MEST: variants seen among roughly 807,000 people sequenced by gnomAD.
MEST encodes the protein mesoderm specific transcript.
In MEST, 18 loss-of-function variants were observed where a neutral mutation model predicts 50.9. The ratio of observed to expected loss-of-function variants is 0.35; its 90% CI spans 0.24 to 0.52. The LOEUF (loss-of-function observed/expected upper bound fraction) is 0.52. Ranked by LOEUF, MEST falls within the 20% of genes least tolerant of loss-of-function variation. MEST has a pLI of 0.94. For synonymous variants in MEST, 130 were observed against 154.1 expected (o/e 0.84, Z 1.16); for missense variants, 282 against 425.3 (o/e 0.66, Z 2.96).
chr7:130,504,790 A>G lies in MEST; in HGVS notation c.891-149A>G, dbSNP rs566107153. 7.1e-5 allele frequency: 41 copies of G among 576,506 alleles called. No homozygotes were observed. In the Admixed American group the frequency reaches 8.6e-4, roughly 12 times the overall value. 35.7% of individuals were successfully genotyped at this position (576,506 alleles called of 1,614,324 possible). A position where few individuals can be genotyped will look rare whatever the true frequency, so the allele number is the denominator to read the frequency against. On this transcript the variant is annotated intron_variant, in intron 11 of 11. Transcript: ENST00000223215. ...GAATTGGCAAGTTTATCTGCCTAAG[A>G]TACAATTTCAGAGTAGAAGGTGAAT...
At chr7:130,487,093 T>C (rs1798647531), upstream of MEST, 1 of 143,604 alleles carries the variant, frequency 7.0e-6, no homozygotes, top group Admixed American at 7.0e-5. Context: ...GGGAAGGTAG[T>C]AACAGGAAAA....
At chr7:130,491,921 A>T (rs1472854322), upstream of MEST, 1 of 155,678 alleles carries the variant, frequency 6.4e-6, no homozygotes, top group Admixed American at 6.5e-5. This position sits in a 1 kb window ranked among gnomAD's most constrained non-coding sequence, Gnocchi z 6.8. Context: ...TAAAGGAGCC[A>T]CTGTTAGAGG....
rs1259974892 is a variant in MEST, at chr7:130,497,472, G to A, written c.261+237G>A. 3.4e-5 allele frequency: 10 copies of A among 296,518 alleles called. No homozygotes were observed. The highest frequency in any genetic ancestry group is 2.0e-4 in the Admixed American group (4 of 20,500). The allele number at this position is 296,518 out of a possible 1,614,324, so 18.4% of individuals were successfully genotyped here. Reference sequence around the variant, plus strand: ...CTTGGGAGGCTGAGGCAGGAGAATCGCTTGAACCCGGGAGGCAGAGGTTGC... The same window carrying A: ...CTTGGGAGGCTGAGGCAGGAGAATCACTTGAACCCGGGAGGCAGAGGTTGC... On this transcript the variant is annotated intron_variant, in intron 3 of 11. Transcript: ENST00000223215. The surrounding 1 kb of genome is among the most constrained non-coding windows in gnomAD (Gnocchi z 4.0).
At chr7:130,504,918 C>G (rs369691561) in intron 11 of MEST, 21 bp from the exon 12 acceptor site, 2 of 1,592,676 alleles carry the variant, frequency 1.3e-6, no homozygotes, top group South Asian at 1.1e-5. Flanking sequence ...AGTTCACCTG[C>G]GTGCTGTTCT....
intron 2 of MEST, chr7:130,495,809 T>C: frequency 4.2e-6 from 1 of 240,626 alleles, no homozygotes. Context: ...ACCTGTCAGG[T>C]AATATATAAA....
At position 130,500,719 on chromosome 7, in the gene MEST, G is replaced by C; in HGVS notation, c.648-70G>C. ...GCATGGCCCAGACTGCATGGCCTCT[G>C]AGGTTCCAGCCATATTGAACATTCT... On this transcript the variant is annotated intron_variant, in intron 8 of 11. Coordinates refer to ENST00000223215, the MANE Select transcript of MEST (RefSeq NM_002402.4). This position sits in a 1 kb window ranked among gnomAD's most constrained non-coding sequence, Gnocchi z 5.0. 3.6e-6 allele frequency: 5 copies of C among 1,373,922 alleles called. No individual in the cohort carries two copies. The highest frequency in any genetic ancestry group is 5.0e-6 in the Non-Finnish European group (5 of 990,888). 85.1% of individuals were successfully genotyped at this position (1,373,922 alleles called of 1,614,324 possible).
At position 130,505,125 on chromosome 7, in the gene MEST, G is replaced by A. The variant is rs1156452106; in HGVS notation, c.*69G>A. 2.6e-6 allele frequency: 3 copies of A among 1,165,848 alleles called. No homozygotes were observed. Among genetic ancestry groups the A allele is most frequent in the African/African-American group, 1.5e-5 (1 of 65,984 alleles). 72.2% of individuals were successfully genotyped at this position (1,165,848 alleles called of 1,614,324 possible). A position where few individuals can be genotyped will look rare whatever the true frequency, so the allele number is the denominator to read the frequency against. On this transcript the variant is annotated 3_prime_UTR_variant, in exon 12 of 12. Coordinates refer to ENST00000223215, the MANE Select transcript of MEST (RefSeq NM_002402.4). ...ATGTGTTGTGTATTCCACTTAGGAA[G>A]AAATGCCCAAAAGAGGTCCTGGCCA...
At chr7:130,496,195 G>C in intron 2 of MEST, 1 of 459,938 alleles carries the variant, frequency 2.2e-6, no homozygotes, top group Non-Finnish European at 4.5e-6. Flanking sequence ...CCTCTCATTT[G>C]CTATATTCAA....
upstream of MEST, among the ~76,000 whole-genome samples, chr7:130,490,416 A>G (rs1235261698): frequency 1.3e-5 from 2 of 152,178 alleles, no homozygotes; most frequent in African/African-American, 4.8e-5. Context: ...TCTCTCTGGT[A>G]AATGTCTATT....
intron 9 of MEST, among the ~76,000 whole-genome samples, chr7:130,501,598 T>C (rs1799277801): frequency 6.6e-6 from 1 of 152,040 alleles, no homozygotes; most frequent in Non-Finnish European, 1.5e-5. Context: ...AATACATGAG[T>C]TTGAGTTCTA....
At chr7:130,504,558 C>T (rs1212458452) in intron 11 of MEST, among the ~76,000 whole-genome samples, 6 of 152,148 alleles carry the variant, frequency 3.9e-5, no homozygotes, top group Admixed American at 3.9e-4. Context: ...TAAAATACCC[C>T]CTCTCTCATC....
intron 2 of MEST, chr7:130,496,491 A>T (rs1198312738): frequency 1.5e-5 from 4 of 269,764 alleles, no homozygotes; most frequent in Non-Finnish European, 2.8e-5. Context: ...TACCTGTTCT[A>T]ATCCCATACT....
rs1554438749 is a variant in MEST at position 130,502,629 on chromosome 7, T to C, written c.750-15T>C. On this transcript the variant is annotated splice_polypyrimidine_tract_variant and intron_variant, in intron 9 of 11. Coordinates refer to ENST00000223215, the MANE Select transcript of MEST (RefSeq NM_002402.4). ...GGTTTCTTGTTCTGCACATGCTGAC[T>C]TACCTGTCCTACAGTCTCTTACAGT... is the stretch of plus-strand genomic sequence containing the variant. 6.2e-7 allele frequency: 1 copy of C among 1,609,872 alleles called. No individual in the cohort carries two copies. The highest frequency in any genetic ancestry group is 8.5e-7 in the Non-Finnish European group (1 of 1,176,382).
chr7:130,496,986 C>A, intron 2 of MEST, 170 bp from the exon 3 acceptor site: 1 of 487,276 alleles, frequency 2.1e-6, no homozygotes, highest in Non-Finnish European at 3.7e-6. Context: ...GAGAAAAGGC[C>A]TGTTCTCACC....
At chr7:130,503,800 A>G in intron 10 of MEST, 133 bp from the exon 11 acceptor site, 1 of 658,092 alleles carries the variant, frequency 1.5e-6, no homozygotes, top group East Asian at 3.0e-5. Flanking sequence ...TGAGCAAGGG[A>G]GAGAGAGACC....
intron 10 of MEST, 47 bp downstream of exon 10, chr7:130,502,767 T>G: frequency 7.1e-7 from 1 of 1,412,194 alleles, no homozygotes; most frequent in East Asian, 2.3e-5. Flanking sequence ...ACTATAGGGT[T>G]AAAGTAATCG....
chr7:130,494,403 C>T (rs1166121839), intron 1 of MEST: 1 of 152,186 alleles, frequency 6.6e-6, no homozygotes, highest in African/African-American at 2.4e-5. Context: ...AAGTCATAGA[C>T]TTGAAACAGA....
chr7:130,496,359 T>C (rs1487791834), intron 2 of MEST: 3 of 344,910 alleles, frequency 8.7e-6, no homozygotes, highest in African/African-American at 2.3e-5. Flanking sequence ...GGAATGATTT[T>C]ATTTGCACAG....
chr7:130,504,482 G>T lies in MEST; in HGVS notation c.891-457G>T, dbSNP rs559345531. On this transcript the variant is annotated intron_variant, in intron 11 of 11. Coordinates refer to ENST00000223215, the MANE Select transcript of MEST (RefSeq NM_002402.4). ...AATCTTGATTATGTCACATAAGAAT[G>T]TTCCATACCTTCCTGTGGCCTACTG... Among the ~76,000 whole-genome samples, 5 of 152,298 alleles carry T rather than the reference G, an allele frequency of 3.3e-5. No homozygotes were observed. In the South Asian group the frequency reaches 1.0e-3, roughly 32 times the overall value.
Sources: gnomAD v4.1 joint callset for allele counts (sites outside exome capture counted in the v4.1 genomes callset) on GRCh38, gnomAD v4.1.1 for gene constraint, Gnocchi (gnomAD v3.1) non-coding constraint, MANE v1.5 for transcripts, NCBI Gene and HGNC (gene_info 2026-07-23, HGNC 2026-07-21) for gene names.